Variants in PCNX1 observed in about 807,000 individuals in gnomAD.
PCNX1 encodes pecanex-like protein 1.
PCNX1 carries 78 observed loss-of-function variants against 242.2 expected under a neutral mutation model. The ratio of observed to expected loss-of-function variants is 0.32; its 90% CI spans 0.27 to 0.39. The LOEUF (loss-of-function observed/expected upper bound fraction) is 0.39. PCNX1 is among the 10% of genes least tolerant of loss of function. The probability of loss-of-function intolerance (pLI) is 1.00; values close to 1 mark genes in which losing one functional copy is unlikely to be tolerated. For missense variants in PCNX1, 2,581 were observed against 2,856.5 expected (o/e 0.90, Z 2.20); for synonymous variants, 1,024 against 1,032.9 (o/e 0.99, Z 0.17).
At chr14:71,008,826 G>A (rs2059742041) in intron 8 of PCNX1, among the ~76,000 whole-genome samples, 1 of 151,940 alleles carries the variant, frequency 6.6e-6, no homozygotes, top group Non-Finnish European at 1.5e-5. Context: ...ATTAATTTAT[G>A]CTCCCTTTTC....
chr14:70,935,750 C>T (rs2056976385), intron 1 of PCNX1, among the ~76,000 whole-genome samples: 1 of 152,102 alleles, frequency 6.6e-6, no homozygotes, highest in Non-Finnish European at 1.5e-5. Context: ...TGACATTTTA[C>T]ATTTGAAAAT....
intron 22 of PCNX1, chr14:71,048,913 A>T (rs1021589365): frequency 1.5e-5 from 5 of 335,224 alleles, no homozygotes; most frequent in Non-Finnish European, 1.7e-5. Context: ...TATTGTGATA[A>T]ATAGCTTCTA....
intron 8 of PCNX1, 98 bp downstream of exon 8, chr14:70,996,023 A>G: frequency 3.3e-6 from 3 of 909,454 alleles, no homozygotes; most frequent in Non-Finnish European, 5.3e-6. Flanking sequence ...TTCATTTTGG[A>G]ACTATGCATA....
intron 1 of PCNX1, among the ~76,000 whole-genome samples, chr14:70,925,284 C>T (rs925645759): frequency 7.9e-5 from 12 of 152,166 alleles, no homozygotes; most frequent in African/African-American, 1.7e-4. Context: ...CCACGAAGCC[C>T]GGCTTGCGTT....
At chr14:70,910,827 A>ATG (rs2055869130) in intron 1 of PCNX1, among the ~76,000 whole-genome samples, 1 of 152,214 alleles carries the variant, frequency 6.6e-6, no homozygotes, top group African/African-American at 2.4e-5. Flanking sequence ...TGAATGATTG[A>ATG]GAAGTGCACA....
chr14:71,098,362 C>T (rs970327612), intron 30 of PCNX1, among the ~76,000 whole-genome samples: 5 of 152,056 alleles, frequency 3.3e-5, no homozygotes, highest in Admixed American at 3.3e-4. Context: ...TGTAGATTGC[C>T]TTGGGCAGTA....
rs1338983079 is a variant in PCNX1, at chr14:71,013,100, A to G, written c.2894A>G (p.Glu965Gly). The G allele has an allele frequency of 6.2e-7, 1 of 1,614,102 alleles. No homozygotes were observed. Among genetic ancestry groups the G allele is most frequent in the South Asian group, 1.1e-5 (1 of 91,076 alleles). Residue 965 changes from glutamate (E) to glycine (G), a missense_variant, in exon 11 of 36, where the codon GAA (glutamate) becomes GGA (glycine). Glu to Gly is a moderately conservative substitution (Grantham distance 98). Around this residue, in one of 9 missense-constraint regions of PCNX1, gnomAD observed 1,204 missense variants for 1,216.7 expected, o/e 0.99. Coordinates refer to ENST00000304743, the MANE Select transcript of PCNX1 (RefSeq NM_014982.3). ...GCAGCTACTTACGGCCCAACAGAAGAAGCTGCCCAAAAGGTTAAACACTAT... is the reference window on the plus strand; with the variant it reads ...GCAGCTACTTACGGCCCAACAGAAGGAGCTGCCCAAAAGGTTAAACACTAT... ...DLAATYGPTE[E>G]AAQKVKHYYR...
At chr14:70,992,237 T>G (rs986156302) in intron 7 of PCNX1, among the ~76,000 whole-genome samples, 4 of 152,080 alleles carry the variant, frequency 2.6e-5, no homozygotes, top group Admixed American at 2.6e-4. Context: ...GTTAATTGCC[T>G]GGAATGGAAT....
At chr14:70,974,244 G>GTTTTTTTTTTTTTT (rs1202073692) in intron 5 of PCNX1, among the ~76,000 whole-genome samples, 2 of 117,246 alleles carry the variant, frequency 1.7e-5, no homozygotes, top group African/African-American at 3.1e-5. Context: ...TTTTTTTGTT[G>GTTTTTTTTTTTTTT]TTTTTTTTTT....
Position 71,057,638 on chromosome 14 carries a change from C to A in PCNX1, c.4766C>A (p.Ala1589Asp), listed in dbSNP as rs2061217973. 6.2e-7 allele frequency: 1 copy of A among 1,613,906 alleles called. No individual in the cohort carries two copies. Among genetic ancestry groups the A allele is most frequent in the Non-Finnish European group, 8.5e-7 (1 of 1,179,824 alleles). The change falls in exon 26 of 36, where the codon GCC (alanine) becomes GAC (aspartate). Residue 1589 changes from alanine (A) to aspartate (D), a missense_variant. Transcript: ENST00000304743. ...AGTACAGGGGACTGTTTCATCCTTGCCTCTGACTATCTCAATGCATTAGTA... is the reference window on the plus strand; with the variant it reads ...AGTACAGGGGACTGTTTCATCCTTGACTCTGACTATCTCAATGCATTAGTA... The part of the protein sequence containing the change: ...NYSTGDCFIL[A>D]SDYLNALVHL...
Position 70,978,378 on chromosome 14 carries a change from A to G in PCNX1, c.2041A>G (p.Thr681Ala). The G allele has an allele frequency of 1.2e-6, 2 of 1,614,246 alleles. No individual in the cohort carries two copies. The highest frequency in any genetic ancestry group is 1.1e-5 in the South Asian group (1 of 91,082). Reference sequence around the variant, plus strand: ...GCGTGCAACACGACGGACTTCTAGCACAAATAGTGCCAAGACTCGTGCCCG... The same window carrying G: ...GCGTGCAACACGACGGACTTCTAGCGCAAATAGTGCCAAGACTCGTGCCCG... ...KKRATRRTSS[T>A]NSAKTRARVL... Residue 681 changes from threonine (T) to alanine (A), a missense_variant, in exon 6 of 36, where the codon ACA becomes GCA. Thr to Ala is a moderately conservative substitution (Grantham distance 58). Coordinates refer to ENST00000304743, the MANE Select transcript of PCNX1 (RefSeq NM_014982.3).
chr14:71,037,875 G>T (rs1210282228), intron 19 of PCNX1, among the ~76,000 whole-genome samples: 7 of 142,650 alleles, frequency 4.9e-5, no homozygotes, highest in Non-Finnish European at 7.7e-5. Flanking sequence ...CCAAAACAGA[G>T]ATATAGATCA....
chr14:71,014,975 G>C (rs749311641), intron 11 of PCNX1, among the ~76,000 whole-genome samples: 21 of 152,056 alleles, frequency 1.4e-4, no homozygotes, highest in Non-Finnish European at 2.8e-4. Context: ...GAAAAAAAGA[G>C]GAGCAAGGAT....
At chr14:71,035,397 A>C (rs565851700) in intron 18 of PCNX1, among the ~76,000 whole-genome samples, 4 of 152,246 alleles carry the variant, frequency 2.6e-5, no homozygotes, top group South Asian at 4.1e-4. Flanking sequence ...TACAGTGTCA[A>C]AGCCAAAATA....
chr14:71,016,949 A>G (rs979582697), intron 11 of PCNX1, among the ~76,000 whole-genome samples: 1 of 152,220 alleles, frequency 6.6e-6, no homozygotes, highest in Non-Finnish European at 1.5e-5. Context: ...GTATCAATTG[A>G]TACAAATAGC....
intron 11 of PCNX1, among the ~76,000 whole-genome samples, chr14:71,014,177 A>G (rs774610706): frequency 6.6e-6 from 1 of 152,196 alleles, no homozygotes; most frequent in Non-Finnish European, 1.5e-5. Context: ...ACTCAGGAAG[A>G]TATTTAAAAG....
At chr14:71,052,054 C>T (rs1178493836) in intron 24 of PCNX1, 42 bp downstream of exon 24, 1 of 1,477,998 alleles carries the variant, frequency 6.8e-7, no homozygotes, top group Non-Finnish European at 9.3e-7. Context: ...TTTATCTTTC[C>T]TACTGGGAAA....
At chr14:71,070,910 G>A (rs1174347519) in intron 26 of PCNX1, among the ~76,000 whole-genome samples, 2 of 152,180 alleles carry the variant, frequency 1.3e-5, no homozygotes, top group African/African-American at 4.8e-5. Context: ...TTCTTTCCGT[G>A]TAAGGATGTT....
intron 1 of PCNX1, among the ~76,000 whole-genome samples, chr14:70,909,930 A>G (rs756185738): frequency 2.0e-5 from 3 of 152,054 alleles, no homozygotes; most frequent in African/African-American, 7.2e-5. Context: ...AAAGTTCAGT[A>G]CATGCGGTTA....
Sources: allele counts gnomAD v4.1 joint callset (sites outside exome capture counted in the v4.1 genomes callset), GRCh38; gene constraint gnomAD v4.1.1; regional missense constraint gnomAD v4.1.1; transcripts MANE v1.5; gene names NCBI Gene and HGNC (gene_info 2026-07-23, HGNC 2026-07-21).